PCDHA7: variants seen among roughly 807,000 people sequenced by gnomAD.
PCDHA7 encodes the protein protocadherin alpha 7.
PCDHA7 carries 37 observed loss-of-function variants against 57.2 expected under a neutral mutation model. That is an observed-to-expected ratio of 0.65 (90% CI 0.50 to 0.85). The LOEUF (loss-of-function observed/expected upper bound fraction) is 0.85. Ranked by LOEUF, PCDHA7 falls within the 40% of genes least tolerant of loss-of-function variation. The pLI is 0.00. For synonymous variants in PCDHA7, 553 were observed against 558.8 expected, an observed-to-expected ratio of 0.99 and a Z score of 0.15; for missense variants, 1,188 against 1,241.8, an observed-to-expected ratio of 0.96 and a Z score of 0.65.
chr5:140,976,149 A>C (rs1397618914), intron 1 of PCDHA7, among the ~76,000 whole-genome samples: 1 of 152,182 alleles, frequency 6.6e-6, no homozygotes, highest in Non-Finnish European at 1.5e-5. Context: ...ACTCATGTAC[A>C]TTTTACTACT....
At chr5:140,882,592 G>T in intron 1 of PCDHA7, 1 of 1,614,272 alleles carries the variant, frequency 6.2e-7, no homozygotes, top group Non-Finnish European at 8.5e-7. Context: ...ACCTGGAGGT[G>T]ATCGTGGACA....
chr5:140,923,792 T>G (rs2081513332), intron 1 of PCDHA7, among the ~76,000 whole-genome samples: 1 of 152,310 alleles, frequency 6.6e-6, no homozygotes, highest in South Asian at 2.1e-4. Flanking sequence ...CTTCATTCTT[T>G]TCACAAATGA....
chr5:140,868,477 A>T (rs1165630673), intron 1 of PCDHA7: 1 of 152,380 alleles, frequency 6.6e-6, no homozygotes, highest in Non-Finnish European at 1.5e-5. Flanking sequence ...ATAAAACTTC[A>T]ATTTTTTCTT....
chr5:140,850,299 G>C (rs2150478562), intron 1 of PCDHA7: 2 of 1,596,610 alleles, frequency 1.3e-6, no homozygotes, highest in East Asian at 2.2e-5. Context: ...CGCCGACTCG[G>C]GCTACAACGC....
At chr5:140,885,349 AG>A (rs2060568168) in intron 1 of PCDHA7, among the ~76,000 whole-genome samples, 1 of 152,206 alleles carries the variant, frequency 6.6e-6, no homozygotes, top group African/African-American at 2.4e-5. Context: ...GATTTCCAAA[AG>A]GTACTGGTGA....
chr5:141,010,373 G>A lies in PCDHA7; in HGVS notation c.*436G>A, dbSNP rs1554262916. 6.8e-7 allele frequency: 1 copy of A among 1,463,988 alleles called. No homozygotes were observed. Among genetic ancestry groups the A allele is most frequent in the Admixed American group, 2.4e-5 (1 of 41,618 alleles). The allele number at this position is 1,463,988 out of a possible 1,614,324, so 90.7% of individuals were successfully genotyped here. ...GTGTGGCTACCGCGGGTATGCGAGT[G>A]CCAGATATTGGCTGAGACGAGCCAG... On this transcript the variant is annotated 3_prime_UTR_variant, in exon 4 of 4. Coordinates refer to ENST00000525929, the MANE Select transcript of PCDHA7 (RefSeq NM_018910.3).
At chr5:140,906,340 C>T (rs1353616474) in intron 1 of PCDHA7, among the ~76,000 whole-genome samples, 1 of 152,138 alleles carries the variant, frequency 6.6e-6, no homozygotes, top group Non-Finnish European at 1.5e-5. Flanking sequence ...CTTCATACAA[C>T]CAAGAATGCA....
intron 3 of PCDHA7, among the ~76,000 whole-genome samples, chr5:141,004,659 G>C (rs1012907350): frequency 1.3e-5 from 2 of 152,182 alleles, no homozygotes; most frequent in Admixed American, 1.3e-4. Context: ...GGCTCTGAGG[G>C]CAACTAAAGG....
At chr5:140,891,052 A>T (rs1554184638) in intron 1 of PCDHA7, among the ~76,000 whole-genome samples, 1 of 152,200 alleles carries the variant, frequency 6.6e-6, no homozygotes, top group Non-Finnish European at 1.5e-5. Flanking sequence ...CCCACAGCAC[A>T]TAGTAAATAT....
At chr5:140,870,388 G>C in intron 1 of PCDHA7, 1 of 1,614,232 alleles carries the variant, frequency 6.2e-7, no homozygotes, top group Non-Finnish European at 8.5e-7. Flanking sequence ...TGCGCGGGAT[G>C]GGGGTTCGCC....
At chr5:140,913,987 T>C (rs562066581) in intron 1 of PCDHA7, among the ~76,000 whole-genome samples, 5 of 152,318 alleles carry the variant, frequency 3.3e-5, no homozygotes, top group African/African-American at 1.2e-4. Context: ...ACTTGTATTG[T>C]GACTAGCATA....
chr5:140,971,123 G>A (rs1305525231), intron 1 of PCDHA7, among the ~76,000 whole-genome samples: 1 of 152,182 alleles, frequency 6.6e-6, no homozygotes, highest in Non-Finnish European at 1.5e-5. Context: ...GTGGGCTACA[G>A]GTGGTGAAGA....
intron 1 of PCDHA7, chr5:140,856,221 T>C (rs2043861898): frequency 1.9e-6 from 3 of 1,597,980 alleles, no homozygotes; most frequent in Non-Finnish European, 2.6e-6. Flanking sequence ...CTGGCGGAGC[T>C]GGTGCAGCGC....
At chr5:140,903,609 A>G (rs565435427) in intron 1 of PCDHA7, among the ~76,000 whole-genome samples, 2 of 152,360 alleles carry the variant, frequency 1.3e-5, no homozygotes, top group Admixed American at 6.5e-5. Flanking sequence ...CTTAATACAC[A>G]TGAATGTGCA....
chr5:141,011,435 T>C lies in PCDHA7; in HGVS notation c.*1498T>C, dbSNP rs781837801. ...TGTGAATGTTAATGCAACTATTACC[T>C]AGAGTGAACTTTAAGCTTTATTGTT... On this transcript the variant is annotated 3_prime_UTR_variant, in exon 4 of 4. Coordinates refer to ENST00000525929, the MANE Select transcript of PCDHA7 (RefSeq NM_018910.3). 3 of 153,818 alleles carry C rather than the reference T, an allele frequency of 2.0e-5. No individual in the cohort carries two copies. The highest frequency in any genetic ancestry group is 4.4e-5 in the Non-Finnish European group (3 of 68,050). The allele number at this position is 153,818 out of a possible 1,614,324, so 9.5% of individuals were successfully genotyped here.
intron 1 of PCDHA7, among the ~76,000 whole-genome samples, chr5:140,945,500 T>A (rs2093799104): frequency 6.6e-6 from 1 of 152,046 alleles, no homozygotes; most frequent in South Asian, 2.1e-4. Flanking sequence ...CAAAGCAATA[T>A]TGAGCAAAGT....
chr5:140,906,252 C>T (rs1376694912), intron 1 of PCDHA7, among the ~76,000 whole-genome samples: 1 of 152,180 alleles, frequency 6.6e-6, no homozygotes, highest in Admixed American at 6.5e-5. Flanking sequence ...AACCCATACA[C>T]ACCTCCTGAA....
At chr5:140,950,429 T>TGTA (rs1554219455) in intron 1 of PCDHA7, among the ~76,000 whole-genome samples, 5 of 151,900 alleles carry the variant, frequency 3.3e-5, no homozygotes, top group African/African-American at 1.2e-4. Flanking sequence ...TTCTTCCACT[T>TGTA]AAAAAAAATG....
At chr5:140,867,400 T>C (rs544481917) in intron 1 of PCDHA7, 18 of 152,290 alleles carry the variant, frequency 1.2e-4, no homozygotes, top group African/African-American at 3.8e-4. Context: ...AAAGTTGATA[T>C]GTCTCCTTTA....
Sources: gnomAD v4.1 joint callset for allele counts (sites outside exome capture counted in the v4.1 genomes callset) on GRCh38, gnomAD v4.1.1 for gene constraint, MANE v1.5 for transcripts, NCBI Gene and HGNC (gene_info 2026-07-23, HGNC 2026-07-21) for gene names.